The following MGAT4C variants were observed in gnomAD, a reference collection of about 807,000 sequenced individuals.
MGAT4C encodes MGAT4 family member C, also known as alpha-1,3-mannosyl-glycoprotein 4-beta-N-acetylglucosaminyltransferase C.
Under a neutral mutation model 40.1 loss-of-function variants are expected in MGAT4C, and 19 were observed. The observed-to-expected ratio is 0.47, with a 90% confidence interval of 0.33 to 0.70. The LOEUF (loss-of-function observed/expected upper bound fraction) is 0.70. Ranked by LOEUF, MGAT4C falls within the 30% of genes least tolerant of loss-of-function variation. MGAT4C has a pLI of 0.02. For synonymous variants in MGAT4C, 181 were observed against 187.1 expected (o/e 0.97, Z 0.27); for missense variants, 491 against 563.2 (o/e 0.87, Z 1.30).
chr12:86,070,366 T>C (rs1345893635), intron 1 of MGAT4C, among the ~76,000 whole-genome samples: 1 of 147,066 alleles, frequency 6.8e-6, no homozygotes, highest in Non-Finnish European at 1.5e-5. Flanking sequence ...AACAGTAATC[T>C]TTTTTTTCCT....
At chr12:86,420,608 A>G (rs1430270113) in intron 3 of MGAT4C, among the ~76,000 whole-genome samples, 1 of 152,086 alleles carries the variant, frequency 6.6e-6, no homozygotes, top group African/African-American at 2.4e-5. Context: ...AGAAAAATTC[A>G]TAATACTTTA....
At chr12:86,014,108 TTC>T (rs1157600008) in intron 2 of MGAT4C, among the ~76,000 whole-genome samples, 1 of 152,170 alleles carries the variant, frequency 6.6e-6, no homozygotes, top group African/African-American at 2.4e-5. Flanking sequence ...ATAGCTTCTA[TTC>T]TCTCATAATT....
intron 2 of MGAT4C, among the ~76,000 whole-genome samples, chr12:86,443,256 C>T (rs1291185755): frequency 1.3e-5 from 2 of 151,830 alleles, no homozygotes; most frequent in African/African-American, 4.8e-5. Context: ...TGACACAATA[C>T]CGTAATTATA....
chr12:85,998,415 GT>G (rs1886893630), intron 2 of MGAT4C, among the ~76,000 whole-genome samples: 1 of 152,114 alleles, frequency 6.6e-6, no homozygotes, highest in Non-Finnish European at 1.5e-5. Context: ...GCTGGCTTGC[GT>G]TTCTCTTCAG....
At chr12:86,100,599 G>T (rs927912913) in intron 1 of MGAT4C, among the ~76,000 whole-genome samples, 2 of 151,296 alleles carry the variant, frequency 1.3e-5, no homozygotes, top group Non-Finnish European at 3.0e-5. Context: ...ACGATGGTTT[G>T]CTACTTTCAT....
intron 1 of MGAT4C, among the ~76,000 whole-genome samples, chr12:86,216,684 C>T (rs1469346443): frequency 6.6e-6 from 1 of 152,082 alleles, no homozygotes; most frequent in Non-Finnish European, 1.5e-5. Flanking sequence ...AAAATAAGTG[C>T]TTATATAAAT....
intron 4 of MGAT4C, among the ~76,000 whole-genome samples, chr12:86,330,798 T>G (rs2136172783): frequency 6.6e-6 from 1 of 152,338 alleles, no homozygotes; most frequent in Non-Finnish European, 1.5e-5. Context: ...AATAAACAAT[T>G]ATACTTATTA....
At chr12:86,177,640 A>G (rs895615535) in intron 1 of MGAT4C, among the ~76,000 whole-genome samples, 1 of 152,106 alleles carries the variant, frequency 6.6e-6, no homozygotes, top group African/African-American at 2.4e-5. Flanking sequence ...ATATGCTAAA[A>G]GGATTTATGG....
At chr12:86,566,887 T>C (rs747430683) in intron 2 of MGAT4C, among the ~76,000 whole-genome samples, 1 of 151,492 alleles carries the variant, frequency 6.6e-6, no homozygotes, top group Non-Finnish European at 1.5e-5. Flanking sequence ...TTATCCTCCA[T>C]CATGGTATTT....
At chr12:86,494,683 G>A (rs901028512) in intron 2 of MGAT4C, among the ~76,000 whole-genome samples, 1 of 151,120 alleles carries the variant, frequency 6.6e-6, no homozygotes, top group Non-Finnish European at 1.5e-5. Context: ...TGTAGAGATA[G>A]GGAAAAATAT....
chr12:86,057,310 A>T (rs768491512), intron 1 of MGAT4C, among the ~76,000 whole-genome samples: 25 of 152,168 alleles, frequency 1.6e-4, no homozygotes, highest in Non-Finnish European at 3.2e-4. Context: ...TTTTCAGTAC[A>T]TTTCTATCCA....
chr12:86,771,152 C>G (rs1376732149), intron 1 of MGAT4C, among the ~76,000 whole-genome samples: 1 of 152,076 alleles, frequency 6.6e-6, no homozygotes, highest in African/African-American at 2.4e-5. Flanking sequence ...AGGCCTGGAA[C>G]ATATCCTTTC....
At chr12:86,708,512 C>T (rs926171883) in intron 2 of MGAT4C, among the ~76,000 whole-genome samples, 3 of 152,162 alleles carry the variant, frequency 2.0e-5, no homozygotes, top group African/African-American at 7.2e-5. Context: ...TGTGAGAAGA[C>T]AGTCACTGTC....
At chr12:86,608,496 T>C (rs1962125082) in intron 2 of MGAT4C, among the ~76,000 whole-genome samples, 1 of 152,068 alleles carries the variant, frequency 6.6e-6, no homozygotes, top group Admixed American at 6.6e-5. Flanking sequence ...AAGAATTGCT[T>C]GAGCCCAGGA....
At chr12:86,273,975 T>C (rs756423358) in intron 4 of MGAT4C, among the ~76,000 whole-genome samples, 4 of 152,182 alleles carry the variant, frequency 2.6e-5, no homozygotes, top group African/African-American at 9.7e-5. Flanking sequence ...GGTTGACAGT[T>C]CCACAGGTGG....
chr12:86,463,161 A>T (rs1472327148), intron 2 of MGAT4C, among the ~76,000 whole-genome samples: 1 of 152,152 alleles, frequency 6.6e-6, no homozygotes, highest in Non-Finnish European at 1.5e-5. Flanking sequence ...ATAGCTGAGA[A>T]TAAATTAATT....
At chr12:86,012,779 AC>A (rs879319389) in intron 2 of MGAT4C, among the ~76,000 whole-genome samples, 35,711 of 119,882 alleles carry the variant, frequency 0.3, 4,692 homozygotes, top group Non-Finnish European at 0.36. Flanking sequence ...AACAACAACA[AC>A]CACCACCACC....
chr12:86,153,788 G>A (rs1378633901), intron 1 of MGAT4C, among the ~76,000 whole-genome samples: 1 of 152,072 alleles, frequency 6.6e-6, no homozygotes, highest in South Asian at 2.1e-4. Flanking sequence ...GTTTCCTGAG[G>A]CCTCCTCAGC....
At chr12:86,703,675 T>A (rs1165091458) in intron 2 of MGAT4C, among the ~76,000 whole-genome samples, 1 of 152,164 alleles carries the variant, frequency 6.6e-6, no homozygotes, top group African/African-American at 2.4e-5. Context: ...ACAGGGAAAT[T>A]AAAAAATGTG....
Sources: allele counts gnomAD v4.1 joint callset (sites outside exome capture counted in the v4.1 genomes callset), GRCh38; gene constraint gnomAD v4.1.1; transcripts MANE v1.5; gene names NCBI Gene and HGNC (gene_info 2026-07-23, HGNC 2026-07-21).